Variants in SCFD2 observed in about 807,000 individuals in gnomAD.
The protein encoded by SCFD2 is sec1 family domain containing 2.
In SCFD2, 54 loss-of-function variants were observed where a neutral mutation model predicts 58.9. The ratio of observed to expected loss-of-function variants is 0.92; its 90% CI spans 0.74 to 1.15. The LOEUF is 1.15. Among genes scored for constraint, SCFD2 ranks in the 50% most tolerant of loss-of-function variants. SCFD2 has a pLI of 0.00. For synonymous variants in SCFD2, 321 were observed against 335.9 expected (o/e 0.96, Z 0.49); for missense variants, 805 against 836.6 (o/e 0.96, Z 0.47).
intron 4 of SCFD2, among the ~76,000 whole-genome samples, chr4:53,205,430 A>C (rs947173046): frequency 2.0e-5 from 3 of 152,162 alleles, no homozygotes; most frequent in African/African-American, 7.2e-5. Flanking sequence ...GCAAAGAAAG[A>C]TGATGCCTAC....
intron 3 of SCFD2, among the ~76,000 whole-genome samples, chr4:53,290,478 C>T (rs951698842): frequency 5.3e-5 from 8 of 152,040 alleles, no homozygotes; most frequent in African/African-American, 1.7e-4. Context: ...AATAGCAGTT[C>T]TAACAGGAGA....
chr4:53,034,176 C>T (rs532989035), intron 5 of SCFD2, among the ~76,000 whole-genome samples: 3 of 152,224 alleles, frequency 2.0e-5, no homozygotes, highest in South Asian at 4.1e-4. Context: ...AATCAATAAA[C>T]GTAATCCATC....
chr4:53,331,398 C>T (rs533672785), intron 2 of SCFD2, among the ~76,000 whole-genome samples: 94 of 152,322 alleles, frequency 6.2e-4, no homozygotes, highest in Middle Eastern at 6.8e-3. Context: ...TGAACTATCT[C>T]TCAGACCACA....
intron 5 of SCFD2, among the ~76,000 whole-genome samples, chr4:52,983,669 C>A (rs1209169478): frequency 6.6e-6 from 1 of 152,140 alleles, no homozygotes; most frequent in Admixed American, 6.5e-5. Flanking sequence ...AGGCCCTCTT[C>A]AGTAATTTGC....
chr4:53,247,812 G>C (rs1037547114), intron 4 of SCFD2, among the ~76,000 whole-genome samples: 2 of 120,082 alleles, frequency 1.7e-5, no homozygotes, highest in Non-Finnish European at 3.3e-5. Context: ...AGTGAGCCGA[G>C]ATTGCGCCAC....
At chr4:53,363,166 G>C (rs1488593378) in intron 1 of SCFD2, among the ~76,000 whole-genome samples, 1 of 150,574 alleles carries the variant, frequency 6.6e-6, no homozygotes, top group Non-Finnish European at 1.5e-5. Flanking sequence ...GACAGAATCT[G>C]ACTCTGTCAC....
intron 3 of SCFD2, among the ~76,000 whole-genome samples, chr4:53,286,634 T>C (rs1046748266): frequency 8.5e-5 from 13 of 152,152 alleles, no homozygotes; most frequent in Admixed American, 5.2e-4. Context: ...TGAGATAATG[T>C]GGTACCCTGT....
intron 1 of SCFD2, among the ~76,000 whole-genome samples, chr4:53,364,278 T>A (rs1376063924): frequency 6.6e-6 from 1 of 152,220 alleles, no homozygotes; most frequent in African/African-American, 2.4e-5. Context: ...TTCAACTTTT[T>A]TTCTGACCGA....
At chr4:52,889,514 G>A (rs1718832056) in intron 7 of SCFD2, among the ~76,000 whole-genome samples, 1 of 152,130 alleles carries the variant, frequency 6.6e-6, no homozygotes, top group African/African-American at 2.4e-5. Flanking sequence ...AGCATATAAG[G>A]CTTTTACAAC....
At chr4:52,903,654 G>A (rs1384700640) in intron 7 of SCFD2, among the ~76,000 whole-genome samples, 1 of 152,190 alleles carries the variant, frequency 6.6e-6, no homozygotes, top group Non-Finnish European at 1.5e-5. Context: ...CACAGTGATA[G>A]CTCTCACATT....
In SCFD2 at chr4:52,873,798, G is replaced by A; in HGVS notation, c.*171C>T. On this transcript the variant is annotated 3_prime_UTR_variant, in exon 9 of 9. Transcript: ENST00000401642. ...TTTTTTTTTTTTTTTAAGAATCACA[G>A]CAATCCAAGCAAAGTACCTCACTGA... 9.7e-6 allele frequency: 4 copies of A among 410,992 alleles called. No homozygotes were observed. The highest frequency in any genetic ancestry group is 1.4e-4 in the South Asian group (2 of 14,790). 25.5% of individuals were successfully genotyped at this position (410,992 alleles called of 1,614,324 possible). A position where few individuals can be genotyped will look rare whatever the true frequency, so the allele number is the denominator to read the frequency against.
chr4:53,352,843 C>A (rs1734271588), intron 1 of SCFD2, 77 bp from the exon 2 acceptor site: 4 of 1,219,900 alleles, frequency 3.3e-6, no homozygotes, highest in Admixed American at 4.0e-5. Context: ...TTATCACACA[C>A]CTTCTATCAA....
chr4:53,302,117 G>A (rs564501318), intron 3 of SCFD2, among the ~76,000 whole-genome samples: 2 of 152,236 alleles, frequency 1.3e-5, no homozygotes, highest in African/African-American at 4.8e-5. Flanking sequence ...TCAGGCAGGA[G>A]AAGGAAATAA....
chr4:53,236,915 T>G (rs1481362581), intron 4 of SCFD2, among the ~76,000 whole-genome samples: 1 of 151,772 alleles, frequency 6.6e-6, no homozygotes, highest in Non-Finnish European at 1.5e-5. Context: ...CATAGGACAA[T>G]AGTGGAGGGA....
chr4:52,932,624 A>T (rs900349915), intron 5 of SCFD2, among the ~76,000 whole-genome samples: 3 of 152,184 alleles, frequency 2.0e-5, no homozygotes, highest in African/African-American at 7.2e-5. Context: ...GGCAAGAATA[A>T]AAGAAGCTTA....
chr4:53,303,748 T>G (rs929135465), intron 3 of SCFD2, among the ~76,000 whole-genome samples: 11 of 151,774 alleles, frequency 7.2e-5, no homozygotes, highest in Non-Finnish European at 2.9e-5. Context: ...GTGGCACATA[T>G]ACACCATGGA....
intron 5 of SCFD2, among the ~76,000 whole-genome samples, chr4:53,069,825 T>C (rs1294117345): frequency 6.6e-6 from 1 of 152,088 alleles, no homozygotes; most frequent in Non-Finnish European, 1.5e-5. Context: ...GTTTTCTCCC[T>C]GACACTTAAA....
chr4:52,919,208 G>A (rs1719676704), intron 6 of SCFD2, among the ~76,000 whole-genome samples: 1 of 152,134 alleles, frequency 6.6e-6, no homozygotes, highest in South Asian at 2.1e-4. Context: ...TCACCCGGAT[G>A]ACATAAAATG....
At chr4:53,013,653 T>C (rs572633278) in intron 5 of SCFD2, among the ~76,000 whole-genome samples, 1 of 152,314 alleles carries the variant, frequency 6.6e-6, no homozygotes, top group South Asian at 2.1e-4. Context: ...AATAAGGTAG[T>C]TTTATAACAT....
Sources: gnomAD v4.1 joint callset for allele counts (sites outside exome capture counted in the v4.1 genomes callset) on GRCh38, gnomAD v4.1.1 for gene constraint, MANE v1.5 for transcripts, NCBI Gene and HGNC (gene_info 2026-07-23, HGNC 2026-07-21) for gene names.